Variants in THBS2 observed in about 807,000 individuals in gnomAD.
The protein encoded by THBS2 is thrombospondin-2.
In THBS2, 47 loss-of-function variants were observed where a neutral mutation model predicts 135.2. The ratio of observed to expected loss-of-function variants is 0.35; its 90% CI spans 0.28 to 0.44. The LOEUF (loss-of-function observed/expected upper bound fraction) is 0.44, where lower values mean the gene tolerates loss of function less well. THBS2 is among the 20% of genes least tolerant of loss of function. The probability of loss-of-function intolerance (pLI) is 1.00; values close to 1 mark genes in which losing one functional copy is unlikely to be tolerated. For missense variants in THBS2, 1,288 were observed against 1,603.1 expected (o/e 0.80, Z 3.36); for synonymous variants, 639 against 633.8 (o/e 1.01, Z -0.12).
chr6:169,225,706 C>G (rs1779603646), intron 16 of THBS2, among the ~76,000 whole-genome samples: 3 of 152,170 alleles, frequency 2.0e-5, no homozygotes, highest in Non-Finnish European at 4.4e-5. Flanking sequence ...CCATTTACAC[C>G]ATTTACATCA....
intron 2 of THBS2, among the ~76,000 whole-genome samples, chr6:169,249,311 G>C (rs952905272): frequency 7.9e-5 from 12 of 152,154 alleles, no homozygotes; most frequent in Non-Finnish European, 1.8e-4. Flanking sequence ...TGCATAGCCC[G>C]ACCTTCTTGG....
intron 9 of THBS2, 104 bp downstream of exon 9, chr6:169,237,066 C>T: frequency 7.4e-7 from 1 of 1,349,914 alleles, no homozygotes; most frequent in Non-Finnish European, 1.0e-6. Flanking sequence ...CTGGGCTGGG[C>T]TGGAACAGGC....
chr6:169,223,507 A>G, intron 17 of THBS2, 32 bp from the exon 18 acceptor site: 1 of 1,597,550 alleles, frequency 6.3e-7, no homozygotes, highest in Admixed American at 1.7e-5. Flanking sequence ...AAACAAAAAC[A>G]AAAACAAAGA....
At position 169,240,424 on chromosome 6, in the gene THBS2, C is replaced by T. The variant is rs115478914; in HGVS notation, c.1032+28G>A. The T allele has an allele frequency of 5.3e-5, 85 of 1,608,734 alleles. No homozygotes were observed. In the African/African-American group the frequency reaches 1.1e-3, roughly 20 times the overall value. ...CCAAGTGTCCGATGGTGGCCTCTTCCCCCAAGAGCCGTGTTCTGGGGCCTC... is the reference window on the plus strand; with the variant it reads ...CCAAGTGTCCGATGGTGGCCTCTTCTCCCAAGAGCCGTGTTCTGGGGCCTC... On this transcript the variant is annotated intron_variant, in intron 6 of 21. Coordinates refer to ENST00000617924, the MANE Select transcript of THBS2 (RefSeq NM_003247.5).
In THBS2 at chr6:169,234,724, C is replaced by G. The variant is rs545762414; in HGVS notation, c.1651+10G>C. On this transcript the variant is annotated intron_variant, in intron 10 of 21. Coordinates refer to ENST00000617924, the MANE Select transcript of THBS2 (RefSeq NM_003247.5). The stretch of plus-strand genomic sequence containing the variant: ...GGGTTTCAGTGCCCCCGCTTCTACC[C>G]CTCACTCACCCACGGGGCAGCTCCT... 231 of 1,551,876 alleles carry G rather than the reference C, an allele frequency of 1.5e-4. 2 individuals are homozygous for G. The highest frequency in any genetic ancestry group is 1.2e-5 in the Non-Finnish European group (14 of 1,141,548).
At chr6:169,232,573 C>G in intron 12 of THBS2, 91 bp downstream of exon 12, 4 of 1,521,094 alleles carry the variant, frequency 2.6e-6, no homozygotes, top group Non-Finnish European at 3.5e-6. Context: ...GCCACGCCAC[C>G]CCTTCCTCTC....
At chr6:169,217,949 T>TATGGATGGATGGATGGATGGATGAAATGG (rs1562351358) in intron 21 of THBS2, 120 bp from the exon 22 acceptor site, 1 of 942,830 alleles carries the variant, frequency 1.1e-6, no homozygotes, top group African/African-American at 1.7e-5. Flanking sequence ...AGATCTATCA[T>TATGGATGGATGGATGGATGGATGAAATGG]ATGGATGGAT....
chr6:169,242,848 T>C (rs148401885), intron 4 of THBS2, among the ~76,000 whole-genome samples: 2,457 of 7,508 alleles, frequency 0.33, 119 homozygotes, highest in East Asian at 0.46. Flanking sequence ...ACCTTCCCAC[T>C]GCTCCCACCT....
At chr6:169,242,073 G>A in intron 4 of THBS2, 115 bp from the exon 5 acceptor site, 1 of 1,198,720 alleles carries the variant, frequency 8.3e-7, no homozygotes, top group Admixed American at 2.5e-5. Flanking sequence ...GGTGCTGGGA[G>A]ACACAAGGCG....
At chr6:169,249,365 G>A (rs1320149940) in intron 2 of THBS2, among the ~76,000 whole-genome samples, 1 of 152,176 alleles carries the variant, frequency 6.6e-6, no homozygotes, top group Non-Finnish European at 1.5e-5. Flanking sequence ...ACATGTCCCA[G>A]GTCACTCTGT....
At chr6:169,236,592 CCA>C (rs1465884781) in intron 9 of THBS2, among the ~76,000 whole-genome samples, 2 of 137,696 alleles carry the variant, frequency 1.5e-5, no homozygotes, top group Non-Finnish European at 3.3e-5. Flanking sequence ...CACTCCCCAT[CCA>C]CACTCATTCC....
intron 4 of THBS2, among the ~76,000 whole-genome samples, chr6:169,242,182 A>G (rs535950526): frequency 1.6e-4 from 24 of 152,206 alleles, no homozygotes; most frequent in Admixed American, 7.8e-4. Context: ...AACAGCAGGG[A>G]CAGGGGACAG....
chr6:169,221,740 C>T (rs1194713211), intron 19 of THBS2, among the ~76,000 whole-genome samples: 5 of 152,138 alleles, frequency 3.3e-5, no homozygotes, highest in Admixed American at 3.3e-4. Flanking sequence ...AGCCAAGGCA[C>T]CTGACCCTCA....
In THBS2 at chr6:169,248,807, C is replaced by T; in HGVS notation, c.219G>A (p.Lys73=). The change falls in exon 3 of 22, where the codon AAG becomes AAA. Residue 73 remains lysine, a synonymous_variant. Coordinates refer to ENST00000617924, the MANE Select transcript of THBS2 (RefSeq NM_003247.5). ...IPPVNADDLS[K]ITKIMRQKEG... ...CCTTCTGCCGCATGATCTTGGTGAT[C>T]TTGCTGAGGTCATCTGCGTTCACCG... 6.2e-7 allele frequency: 1 copy of T among 1,611,188 alleles called. No homozygotes were observed. The highest frequency in any genetic ancestry group is 8.5e-7 in the Non-Finnish European group (1 of 1,180,022).
intron 18 of THBS2, 95 bp from the exon 19 acceptor site, chr6:169,222,563 G>A (rs12664015): frequency 0.13 from 178,043 of 1,370,984 alleles, 13,043 homozygotes; most frequent in Admixed American, 0.29. Flanking sequence ...GAGAGGCCGA[G>A]GTGGGCAGAT....
chr6:169,242,097 G>A, intron 4 of THBS2, 139 bp from the exon 5 acceptor site: 2 of 964,524 alleles, frequency 2.1e-6, no homozygotes, highest in South Asian at 3.4e-5. Flanking sequence ...GACTGGGCCA[G>A]CAGCAGAGGC....
chr6:169,247,049 G>A (rs147741883), intron 3 of THBS2, among the ~76,000 whole-genome samples: 6 of 152,154 alleles, frequency 3.9e-5, no homozygotes, highest in African/African-American at 1.2e-4. Context: ...CCATCATTTC[G>A]CTACTAAAGC....
chr6:169,229,961 CAA>C (rs1341244119), intron 13 of THBS2, among the ~76,000 whole-genome samples: 3 of 152,144 alleles, frequency 2.0e-5, no homozygotes, highest in Non-Finnish European at 4.4e-5. Flanking sequence ...ACTGCAGAAA[CAA>C]GAAGAGAATG....
At chr6:169,247,236 G>C (rs547118656) in intron 3 of THBS2, among the ~76,000 whole-genome samples, 4 of 152,184 alleles carry the variant, frequency 2.6e-5, no homozygotes, top group Non-Finnish European at 5.9e-5. Flanking sequence ...TTAGAAAGGC[G>C]TGCGTTGTGT....
Sources: gnomAD v4.1 joint callset for allele counts (sites outside exome capture counted in the v4.1 genomes callset) on GRCh38, gnomAD v4.1.1 for gene constraint, MANE v1.5 for transcripts, NCBI Gene and HGNC (gene_info 2026-07-23, HGNC 2026-07-21) for gene names.